MTMR10: variants seen among roughly 807,000 people sequenced by gnomAD.
The protein encoded by MTMR10 is myotubularin-related protein 10.
A neutral mutation model predicts 88.1 loss-of-function variants in MTMR10; 56 were observed. The ratio of observed to expected loss-of-function variants is 0.64; its 90% CI spans 0.51 to 0.79. The LOEUF (loss-of-function observed/expected upper bound fraction) is 0.79, where lower values mean the gene tolerates loss of function less well. Ranked by LOEUF, MTMR10 falls within the 30% of genes least tolerant of loss-of-function variation. The pLI, the probability that MTMR10 is intolerant of heterozygous loss-of-function variation, is 0.00. For synonymous variants in MTMR10, 380 were observed against 340.9 expected, an observed-to-expected ratio of 1.11 and a Z score of -1.26; for missense variants, 883 against 924.7, an observed-to-expected ratio of 0.95 and a Z score of 0.58.
At chr15:30,963,547 A>G (rs1249325483) in intron 6 of MTMR10, among the ~76,000 whole-genome samples, 1 of 151,954 alleles carries the variant, frequency 6.6e-6, no homozygotes, top group African/African-American at 2.4e-5. Flanking sequence ...GTGAGGCAGG[A>G]GATGGTGTGA....
intron 5 of MTMR10, among the ~76,000 whole-genome samples, chr15:30,968,534 AACACACACACACACACACACAC>A (rs61503155): frequency 2.1e-5 from 3 of 143,172 alleles, no homozygotes; most frequent in East Asian, 2.0e-4. Flanking sequence ...TCAAAAAAAC[AACACACACACACACACACACAC>A]ACACACACAC....
At chr15:30,956,979 C>T (rs1433393672) in intron 9 of MTMR10, among the ~76,000 whole-genome samples, 1 of 152,134 alleles carries the variant, frequency 6.6e-6, no homozygotes, top group Non-Finnish European at 1.5e-5. Context: ...CTATAGTCAC[C>T]TTCCTTTCCA....
In MTMR10 at chr15:30,975,778, C is replaced by T. The variant is rs559560637; in HGVS notation, c.259-775G>A. Among the ~76,000 whole-genome samples, 19 of 152,148 alleles carry T rather than the reference C, an allele frequency of 1.2e-4. 1 individual carries two copies. Among genetic ancestry groups the T allele is most frequent in the African/African-American group, 4.3e-4 (18 of 41,466 alleles). ...AGTGACTACATGAAATATACTTACA[C>T]TAAACTATTAGATCCTTAAATTTAA... On this transcript the variant is annotated intron_variant, in intron 3 of 15. Transcript: ENST00000435680.
At chr15:30,931,106 G>A in the MTMR10 span, among the ~76,000 whole-genome samples, 13 of 152,218 alleles carry the variant, frequency 8.5e-5, no homozygotes. Context: ...TGAGGGGACA[G>A]ATACCCCATT....
the MTMR10 span, chr15:30,922,415 T>C: frequency 2.0e-6 from 3 of 1,513,510 alleles, no homozygotes; most frequent in Middle Eastern, 1.7e-4. Flanking sequence ...TTTTAAAATA[T>C]GGCAAACTTA....
the MTMR10 span, chr15:30,922,148 G>A: frequency 6.7e-7 from 1 of 1,489,842 alleles, no homozygotes; most frequent in South Asian, 1.3e-5. Flanking sequence ...TTATAAATAG[G>A]CTTTACCAAT....
At chr15:30,929,306 G>A in the MTMR10 span, 84 of 1,612,708 alleles carry the variant, frequency 5.2e-5, no homozygotes, top group Middle Eastern at 1.6e-4. Context: ...GAGAGCCTGC[G>A]GGCCTGGGTG....
chr15:30,928,210 T>C, the MTMR10 span: 1 of 1,035,242 alleles, frequency 9.7e-7, no homozygotes, highest in Admixed American at 5.5e-5. Context: ...AGTCCCAGCC[T>C]TGGGAACCTG....
the MTMR10 span, chr15:30,925,436 CA>C: frequency 2.5e-6 from 2 of 809,220 alleles, no homozygotes; most frequent in African/African-American, 3.5e-5. Flanking sequence ...GCTGTGTGGC[CA>C]TTGCTCCCAG....
intron 6 of MTMR10, 110 bp from the exon 7 acceptor site, chr15:30,961,183 C>T: frequency 7.3e-7 from 1 of 1,364,280 alleles, no homozygotes; most frequent in Non-Finnish European, 9.6e-7. Context: ...CTCTAACCTG[C>T]TTCACCTTCC....
chr15:30,980,320 C>T (rs1244884091), intron 2 of MTMR10, among the ~76,000 whole-genome samples: 1 of 152,178 alleles, frequency 6.6e-6, no homozygotes, highest in East Asian at 1.9e-4. Context: ...CAGCACTCAG[C>T]AGAAAGTAAA....
chr15:30,960,190 A>T (rs1247241718), intron 7 of MTMR10, among the ~76,000 whole-genome samples: 1 of 152,146 alleles, frequency 6.6e-6, no homozygotes, highest in East Asian at 1.9e-4. Flanking sequence ...GGGAGCTCAA[A>T]CCATGATATA....
At chr15:30,926,708 C>A in the MTMR10 span, 5 of 985,304 alleles carry the variant, frequency 5.1e-6, no homozygotes, top group Non-Finnish European at 6.0e-6. Context: ...AATGCACATT[C>A]AAGGCCCCGA....
chr15:30,920,596 T>G, the MTMR10 span: 5 of 1,612,284 alleles, frequency 3.1e-6, no homozygotes, highest in Non-Finnish European at 4.2e-6. Flanking sequence ...TTGGGTGGAT[T>G]TATACAAGGA....
chr15:30,940,369 T>C lies in MTMR10; in HGVS notation c.*1101A>G, dbSNP rs151109775. On this transcript the variant is annotated 3_prime_UTR_variant, in exon 16 of 16. Transcript: ENST00000435680. ...CAAAGTTGGGGGCTGGGGGAGCACT[T>C]CTGTCGCTATTCAAATGGCAGTGTT... 300 of 985,456 alleles carry C rather than the reference T, an allele frequency of 3.0e-4. No individual in the cohort carries two copies. The African/African-American group carries it at 4.8e-3, about 16-fold the overall frequency. The allele number at this position is 985,456 out of a possible 1,614,324, so 61.0% of individuals were successfully genotyped here.
intron 10 of MTMR10, among the ~76,000 whole-genome samples, chr15:30,954,506 G>C (rs1412539940): frequency 1.3e-5 from 2 of 152,104 alleles, no homozygotes; most frequent in African/African-American, 4.8e-5. Flanking sequence ...TTTTATAAAA[G>C]TATTCTCCTA....
intron 2 of MTMR10, among the ~76,000 whole-genome samples, chr15:30,986,634 A>C (rs1004988517): frequency 1.1e-4 from 17 of 152,122 alleles, no homozygotes; most frequent in African/African-American, 3.4e-4. Context: ...AATCAAATAA[A>C]TTTATCTTTA....
chr15:30,929,875 TATATA>T, the MTMR10 span, among the ~76,000 whole-genome samples: 5 of 93,742 alleles, frequency 5.3e-5, no homozygotes, highest in Non-Finnish European at 7.4e-5. Flanking sequence ...ATATATAAAA[TATATA>T]ATATATATCA....
the MTMR10 span, among the ~76,000 whole-genome samples, chr15:30,931,503 C>G: frequency 1.3e-5 from 2 of 152,180 alleles, no homozygotes; most frequent in Non-Finnish European, 2.9e-5. Flanking sequence ...CTTGCCTAAT[C>G]CAAGGTCACA....
Sources: gnomAD v4.1 joint callset for allele counts (sites outside exome capture counted in the v4.1 genomes callset) on GRCh38, gnomAD v4.1.1 for gene constraint, MANE v1.5 for transcripts, NCBI Gene and HGNC (gene_info 2026-07-23, HGNC 2026-07-21) for gene names.